Variants in MIGA2 observed in about 807,000 individuals in gnomAD.
MIGA2 encodes mitoguardin 2, also known as family with sequence similarity 73, member B.
A neutral mutation model predicts 69.9 loss-of-function variants in MIGA2; 36 were observed. The ratio of observed to expected loss-of-function variants is 0.52; its 90% confidence interval spans 0.39 to 0.68. The LOEUF is 0.68. MIGA2 is among the 30% of genes least tolerant of loss of function. The pLI, the probability that MIGA2 is intolerant of heterozygous loss-of-function variation, is 0.00. For synonymous variants in MIGA2, 333 were observed against 349.2 expected, an observed-to-expected ratio of 0.95 and a Z score of 0.52; for missense variants, 660 against 787.7, an observed-to-expected ratio of 0.84 and a Z score of 1.94.
At chr9:129,046,120 T>A (rs1029958289) in intron 3 of MIGA2, among the ~76,000 whole-genome samples, 2 of 152,090 alleles carry the variant, frequency 1.3e-5, no homozygotes, top group African/African-American at 4.8e-5. Flanking sequence ...CCCAAATTGC[T>A]GGGATTACAG....
chr9:129,063,462 T>G, intron 10 of MIGA2, 83 bp from the exon 11 acceptor site: 5 of 1,565,730 alleles, frequency 3.2e-6, no homozygotes, highest in Non-Finnish European at 4.4e-6. Flanking sequence ...GCCACCTACC[T>G]GGCCTCTTAT....
In MIGA2 at chr9:129,048,454, C is replaced by A; in HGVS notation, c.335C>A (p.Pro112His). Residue 112 changes from proline to histidine, a missense_variant, in exon 4 of 16, where the codon CCC becomes CAC. Pro to His is a moderately conservative substitution (Grantham distance 77). Around this residue, in one of 3 missense-constraint regions of MIGA2, gnomAD observed 386 missense variants for 402.0 expected, o/e 0.96. Coordinates refer to ENST00000684074, the MANE Select transcript of MIGA2 (RefSeq NM_001329990.2). ...TACTCCAGCCGGAGAGTCCAGAGCC[C>A]CAGCAGCAAGAGCAACGACACCCTG... ...KGYSSRRVQS[P>H]SSKSNDTLSG... The A allele has an allele frequency of 6.2e-7, 1 of 1,614,044 alleles. No individual in the cohort carries two copies. Among genetic ancestry groups the A allele is most frequent in the South Asian group, 1.1e-5 (1 of 91,084 alleles).
intron 4 of MIGA2, 109 bp from the exon 5 acceptor site, chr9:129,049,272 T>C: frequency 3.9e-6 from 4 of 1,025,338 alleles, no homozygotes; most frequent in Non-Finnish European, 5.9e-6. Context: ...GGGATGGCAT[T>C]TGGAGGGGGC....
At chr9:129,057,377 T>C (rs1845849908) in intron 6 of MIGA2, among the ~76,000 whole-genome samples, 1 of 149,352 alleles carries the variant, frequency 6.7e-6, no homozygotes, top group Non-Finnish European at 1.5e-5. Flanking sequence ...CACTGCAAGC[T>C]CCCCCTCCCG....
Position 129,059,108 on chromosome 9 carries a change from CG to C in MIGA2, c.676-43del, listed in dbSNP as rs1564613953. ...GGGTGAGGGAAGGGGCCATTTTCAT[CG>C]GGAGCTTTGAGGGTCTGGGTTGAGG... On this transcript the variant is annotated intron_variant, in intron 6 of 15. Transcript: ENST00000684074. This position sits in a 1 kb window ranked among gnomAD's most constrained non-coding sequence, Gnocchi z 5.6. The C allele has an allele frequency of 6.4e-7, 1 of 1,563,590 alleles. No homozygotes were observed. Among genetic ancestry groups the C allele is most frequent in the East Asian group, 2.3e-5 (1 of 44,298 alleles).
chr9:129,063,046 C>A, intron 9 of MIGA2, 198 bp from the exon 10 acceptor site: 1 of 602,052 alleles, frequency 1.7e-6, no homozygotes, highest in Non-Finnish European at 3.0e-6. Context: ...AGAGATCATC[C>A]AGGCAGCCTC....
intron 6 of MIGA2, among the ~76,000 whole-genome samples, chr9:129,053,794 AC>A (rs1294979361): frequency 6.6e-6 from 1 of 151,628 alleles, no homozygotes; most frequent in Non-Finnish European, 1.5e-5. Context: ...GAAGTTCAAG[AC>A]CAACCTGGGC....
At chr9:129,056,877 T>C (rs1030371544) in intron 6 of MIGA2, among the ~76,000 whole-genome samples, 56 of 151,788 alleles carry the variant, frequency 3.7e-4, no homozygotes, top group Non-Finnish European at 1.6e-4. Context: ...TTACTAAAAA[T>C]ACAAAAATTA....
intron 6 of MIGA2, among the ~76,000 whole-genome samples, chr9:129,057,540 C>G (rs1180370008): frequency 6.6e-6 from 1 of 151,948 alleles, no homozygotes; most frequent in East Asian, 1.9e-4. Flanking sequence ...ATCCCCCTGA[C>G]TTGGACTCCC....
intron 6 of MIGA2, chr9:129,051,496 T>TC (rs1409888235): frequency 2.7e-5 from 4 of 148,876 alleles, no homozygotes; most frequent in Non-Finnish European, 4.4e-5. Context: ...CAGAATGATC[T>TC]CCATCTCTTG....
intron 3 of MIGA2, among the ~76,000 whole-genome samples, chr9:129,046,339 A>G (rs546679292): frequency 6.6e-6 from 1 of 152,150 alleles, no homozygotes; most frequent in African/African-American, 2.4e-5. Flanking sequence ...TCTCACTTCT[A>G]ACAAAATATT....
chr9:129,040,583 A>AT lies in MIGA2; in HGVS notation c.-10dup. On this transcript the variant is annotated 5_prime_UTR_variant, in exon 2 of 16. Transcript: ENST00000684074. ...TGGCCCTGAGGACTTTGCCTGGGGCATTGGCCCTGCCATGGCGTTCCGGAG... is the reference window on the plus strand; with the variant it reads ...TGGCCCTGAGGACTTTGCCTGGGGCATTTGGCCCTGCCATGGCGTTCCGGAG... 1.2e-6 allele frequency: 2 copies of AT among 1,608,356 alleles called. No homozygotes were observed. Among genetic ancestry groups the AT allele is most frequent in the South Asian group, 1.1e-5 (1 of 90,612 alleles).
chr9:129,044,648 G>A (rs987396239), intron 3 of MIGA2, among the ~76,000 whole-genome samples: 2 of 151,544 alleles, frequency 1.3e-5, no homozygotes, highest in Non-Finnish European at 2.9e-5. Flanking sequence ...CACCCCCTGG[G>A]TTTAAGCGAT....
chr9:129,061,187 C>G lies in MIGA2; in HGVS notation c.895-44C>G, dbSNP rs928882188. ...GGTGCCCTTGCGCCGTGGCGTGCTGCTCACATGGGCTTCCCTGGTCTCTTC... is the reference window on the plus strand; with the variant it reads ...GGTGCCCTTGCGCCGTGGCGTGCTGGTCACATGGGCTTCCCTGGTCTCTTC... On this transcript the variant is annotated intron_variant, in intron 8 of 15. Coordinates refer to ENST00000684074, the MANE Select transcript of MIGA2 (RefSeq NM_001329990.2). The surrounding 1 kb of genome is among the most constrained non-coding windows in gnomAD (Gnocchi z 5.0). The G allele has an allele frequency of 1.3e-6, 2 of 1,546,542 alleles. No individual in the cohort carries two copies. Among genetic ancestry groups the G allele is most frequent in the Non-Finnish European group, 1.8e-6 (2 of 1,131,062 alleles).
Position 129,061,310 on chromosome 9 carries a change from T to A in MIGA2, c.974T>A (p.Leu325Gln), listed in dbSNP as rs1846056958. 6.5e-7 allele frequency: 1 copy of A among 1,541,684 alleles called. No homozygotes were observed. The change falls in exon 9 of 16, where the codon CTG (leucine) becomes CAG (glutamine). Residue 325 changes from leucine (L) to glutamine (Q), a missense_variant. Physicochemically the swap from Leu to Gln is moderately radical, Grantham distance 113. This residue lies in a region of MIGA2 where 386 missense variants were observed against 402.0 expected (regional missense o/e 0.96). Transcript: ENST00000684074. This position sits in a 1 kb window ranked among gnomAD's most constrained non-coding sequence, Gnocchi z 5.0. ...GCTGCCTATGAGGAGGCCCTGCAGCTGGTGAAGGAGGGGAGAGTGCCTTGC... is the reference window on the plus strand; with the variant it reads ...GCTGCCTATGAGGAGGCCCTGCAGCAGGTGAAGGAGGGGAGAGTGCCTTGC... ...PAAAYEEALQ[L>Q]VKEGRVPCRT...
intron 9 of MIGA2, among the ~76,000 whole-genome samples, chr9:129,062,783 G>A (rs1471280053): frequency 6.6e-6 from 1 of 152,102 alleles, no homozygotes. Flanking sequence ...GGCGGAGGTT[G>A]CAGTGAGCTG....
At chr9:129,048,340 G>C in intron 3 of MIGA2, 87 bp from the exon 4 acceptor site, 1 of 1,102,008 alleles carries the variant, frequency 9.1e-7, no homozygotes, top group South Asian at 1.3e-5. Flanking sequence ...AGATGAGGAA[G>C]AAGGGGAAGG....
chr9:129,037,326 A>C (rs952140906), intron 1 of MIGA2, among the ~76,000 whole-genome samples: 1 of 152,106 alleles, frequency 6.6e-6, no homozygotes, highest in African/African-American at 2.4e-5. Flanking sequence ...TTAGGCACCC[A>C]GGCTGAGGGT....
At chr9:129,046,501 A>G (rs1232712792) in intron 3 of MIGA2, among the ~76,000 whole-genome samples, 1 of 145,306 alleles carries the variant, frequency 6.9e-6, no homozygotes, top group Non-Finnish European at 1.5e-5. Flanking sequence ...CCTGTCGCCT[A>G]GGGCAGAGGG....
Sources: gnomAD v4.1 joint callset for allele counts (sites outside exome capture counted in the v4.1 genomes callset) on GRCh38, gnomAD v4.1.1 for gene constraint, gnomAD v4.1.1 regional missense constraint, Gnocchi (gnomAD v3.1) non-coding constraint, MANE v1.5 for transcripts, NCBI Gene and HGNC (gene_info 2026-07-23, HGNC 2026-07-21) for gene names.